PCDH1: variants seen among roughly 807,000 people sequenced by gnomAD.
PCDH1 encodes protocadherin 1.
Under a neutral mutation model 74.6 loss-of-function variants are expected in PCDH1, and 23 were observed. The observed-to-expected ratio is 0.31, with a 90% CI of 0.22 to 0.44. The LOEUF is 0.44. Ranked by LOEUF, PCDH1 falls within the 20% of genes least tolerant of loss-of-function variation. The pLI is 1.00. For missense variants in PCDH1, 1,214 were observed against 1,641.4 expected (o/e 0.74, Z 4.50); for synonymous variants, 647 against 686.1 (o/e 0.94, Z 0.89).
intron 1 of PCDH1, among the ~76,000 whole-genome samples, chr5:141,871,670 T>C (rs1484699952): frequency 6.6e-6 from 1 of 152,230 alleles, no homozygotes; most frequent in Non-Finnish European, 1.5e-5. Flanking sequence ...GTGTTAATTG[T>C]CTGTCTTTGC....
At position 141,866,391 on chromosome 5, in the gene PCDH1, A is replaced by G. The variant is rs550157908; in HGVS notation, c.904-964T>C. ...GGGCACACCCTCCCACGCCAACTCC[A>G]ACGCGCACTCGACTCAACTCTATAC... On this transcript the variant is annotated intron_variant, in intron 2 of 4. Transcript: ENST00000287008. Among the ~76,000 whole-genome samples, 5 of 152,340 alleles carry G rather than the reference A, an allele frequency of 3.3e-5. No homozygotes were observed. In the East Asian group the frequency reaches 9.7e-4, roughly 29 times the overall value.
rs761562609 is a variant in PCDH1 at position 141,869,208 on chromosome 5, G to A, written c.264C>T (p.His88=). The A allele has an allele frequency of 1.2e-6, 2 of 1,613,954 alleles. No homozygotes were observed. Among genetic ancestry groups the A allele is most frequent in the South Asian group, 2.2e-5 (2 of 91,050 alleles). ...GGGCACCCACCTCTAGCTTGTACAGGTGCCCCACATCTGGAAAACCATAGT... is the reference window on the plus strand; with the variant it reads ...GGGCACCCACCTCTAGCTTGTACAGATGCCCCACATCTGGAAAACCATAGT... ...AADYGFPDVG[H]LYKLEVGAPY... Residue 88 remains histidine, a synonymous_variant, in exon 2 of 5, where the codon CAC becomes CAT. Transcript: ENST00000287008. This position sits in a 1 kb window ranked among gnomAD's most constrained non-coding sequence, Gnocchi z 4.9.
At chr5:141,873,132 CTT>C (rs879505435) in intron 1 of PCDH1, among the ~76,000 whole-genome samples, 8 of 144,708 alleles carry the variant, frequency 5.5e-5, no homozygotes, top group Admixed American at 1.4e-4. Context: ...CCTGCAAACT[CTT>C]TTTTTTTTTT....
Position 141,853,575 on chromosome 5 carries a change from G to GTCAAGAGTTTCC in PCDH1, c.*455_*466dup, listed in dbSNP as rs1752204469. 1.3e-5 allele frequency: 2 copies of GTCAAGAGTTTCC among 152,896 alleles called. No individual in the cohort carries two copies. The highest frequency in any genetic ancestry group is 4.8e-5 in the African/African-American group (2 of 41,576). The allele number at this position is 152,896 out of a possible 1,614,324, so 9.5% of individuals were successfully genotyped here. The stretch of plus-strand genomic sequence containing the variant: ...AAAGCCCTTCAGGGAGCCACTGGTG[G>GTCAAGAGTTTCC]TCAAGAGTTTCCTCTGGGAGCTCCC... On this transcript the variant is annotated 3_prime_UTR_variant, in exon 5 of 5. Transcript: ENST00000287008.
intron 1 of PCDH1, among the ~76,000 whole-genome samples, chr5:141,871,153 CGAAG>C (rs1753087771): frequency 6.6e-6 from 1 of 152,210 alleles, no homozygotes; most frequent in Non-Finnish European, 1.5e-5. Flanking sequence ...CAAAGCACTA[CGAAG>C]GAAGGGACAG....
chr5:141,871,070 C>T (rs1292199211), intron 1 of PCDH1, among the ~76,000 whole-genome samples: 1 of 152,240 alleles, frequency 6.6e-6, no homozygotes, highest in Non-Finnish European at 1.5e-5. Context: ...CTGACTGGGA[C>T]ACCGCCCGCC....
rs1404459856 is a variant in PCDH1, at chr5:141,865,089, C to T, written c.1242G>A (p.Val414=). The T allele has an allele frequency of 6.2e-7, 1 of 1,614,196 alleles. No homozygotes were observed. Among genetic ancestry groups the T allele is most frequent in the Admixed American group, 1.7e-5 (1 of 60,026 alleles). The change falls in exon 3 of 5, where the codon GTG becomes GTA. Residue 414 remains valine (V), a synonymous_variant. Coordinates refer to ENST00000287008, the MANE Select transcript of PCDH1 (RefSeq NM_032420.5). This position sits in a 1 kb window ranked among gnomAD's most constrained non-coding sequence, Gnocchi z 4.4. ...ISEDVAEETA[V]ALVQVSDRDE... is the part of the protein sequence containing the mutation. The stretch of plus-strand genomic sequence containing the variant: ...CTCGGTCAGACACCTGCACCAGGGC[C>T]ACAGCTGTCTCCTCTGCCACATCCT...
At chr5:141,871,012 C>T (rs1753079440) in intron 1 of PCDH1, among the ~76,000 whole-genome samples, 1 of 152,228 alleles carries the variant, frequency 6.6e-6, no homozygotes, top group Non-Finnish European at 1.5e-5. Context: ...TCCTCCAACT[C>T]ACAGCCACTT....
intron 3 of PCDH1, among the ~76,000 whole-genome samples, chr5:141,858,352 G>T (rs965858828): frequency 6.6e-6 from 1 of 152,246 alleles, no homozygotes; most frequent in South Asian, 2.1e-4. Flanking sequence ...TCACTGGAGA[G>T]GGTAGGGCTC....
chr5:141,869,604 T>A lies in PCDH1; in HGVS notation c.41-173A>T, dbSNP rs1561488016. The A allele has an allele frequency of 1.3e-6, 2 of 1,534,844 alleles. No homozygotes were observed. The highest frequency in any genetic ancestry group is 1.7e-6 in the Non-Finnish European group (2 of 1,146,728). On this transcript the variant is annotated intron_variant, in intron 1 of 4. Coordinates refer to ENST00000287008, the MANE Select transcript of PCDH1 (RefSeq NM_032420.5). The surrounding 1 kb of genome is among the most constrained non-coding windows in gnomAD (Gnocchi z 4.9). ...CAGAAACTCAGATCCCTGAATCTCA[T>A]CCACAGCTGGGTGTAGCAGCAGTGT...
intron 2 of PCDH1, chr5:141,866,223 A>T (rs1033660548): frequency 2.9e-5 from 29 of 985,368 alleles, no homozygotes; most frequent in Non-Finnish European, 3.4e-5. Context: ...CCCGACTGGC[A>T]CCGGCTGGCG....
rs747967709 is a variant in PCDH1 at position 141,868,313 on chromosome 5, T to G, written c.903+256A>C. On this transcript the variant is annotated intron_variant, in intron 2 of 4. Transcript: ENST00000287008. This position sits in a 1 kb window ranked among gnomAD's most constrained non-coding sequence, Gnocchi z 4.8. ...TTTACTTCTCAGAGGTTCCCCCAGC[T>G]TGAGTCTGCCTTAGGGGTCACGGGA... 1.1e-4 allele frequency among the ~76,000 whole-genome samples: 16 copies of G among 152,218 alleles called. No homozygotes were observed. Among genetic ancestry groups the G allele is most frequent in the Non-Finnish European group, 1.9e-4 (13 of 68,036 alleles).
chr5:141,860,683 T>C (rs1314044435), intron 3 of PCDH1, among the ~76,000 whole-genome samples: 8 of 152,176 alleles, frequency 5.3e-5, no homozygotes, highest in Admixed American at 3.9e-4. Flanking sequence ...TGTTTGAATT[T>C]GGCTGCATCA....
chr5:141,878,162 G>T lies in PCDH1; in HGVS notation c.40+61C>A. The stretch of plus-strand genomic sequence containing the variant: ...GCCGAGCGCCCCTCCCTCAGCTCCC[G>T]CCGGCCATGACCGCTTCGGGCCCCA... On this transcript the variant is annotated intron_variant, in intron 1 of 4. Coordinates refer to ENST00000287008, the MANE Select transcript of PCDH1 (RefSeq NM_032420.5). This position sits in a 1 kb window ranked among gnomAD's most constrained non-coding sequence, Gnocchi z 5.5. 1 of 1,393,204 alleles carries T rather than the reference G, an allele frequency of 7.2e-7. No individual in the cohort carries two copies. Among genetic ancestry groups the T allele is most frequent in the Non-Finnish European group, 9.4e-7 (1 of 1,067,372 alleles). The allele number at this position is 1,393,204 out of a possible 1,614,324, so 86.3% of individuals were successfully genotyped here.
At position 141,863,957 on chromosome 5, in the gene PCDH1, C is replaced by G. The variant is rs1323549362; in HGVS notation, c.2374G>C (p.Val792Leu). The change falls in exon 3 of 5, where the codon GTG (valine) becomes CTG (leucine). Residue 792 changes from valine to leucine, a missense_variant. Transcript: ENST00000287008. The surrounding 1 kb of genome is among the most constrained non-coding windows in gnomAD (Gnocchi z 7.5). ...GGCTTGCCGCGGTCACTGACCTTCA[C>G]CACCAGGCGGTGTAGCCCATGGTGG... The part of the protein sequence containing the change: ...RRHHGLHRLV[V>L]KVSDRGKPPR... The G allele has an allele frequency of 6.2e-7, 1 of 1,614,062 alleles. No individual in the cohort carries two copies. Among genetic ancestry groups the G allele is most frequent in the Non-Finnish European group, 8.5e-7 (1 of 1,180,054 alleles).
At position 141,878,121 on chromosome 5, in the gene PCDH1, C is replaced by G; in HGVS notation, c.40+102G>C. On this transcript the variant is annotated intron_variant, in intron 1 of 4. Transcript: ENST00000287008. This position sits in a 1 kb window ranked among gnomAD's most constrained non-coding sequence, Gnocchi z 5.5. ...CCTCGCGCCGAGCTCGTGTTGGGCC[C>G]CCGCGGCCTCGCTCCGCCGAGCGCC... 8.8e-7 allele frequency: 1 copy of G among 1,137,780 alleles called. No homozygotes were observed. The highest frequency in any genetic ancestry group is 1.6e-5 in the African/African-American group (1 of 60,628). The allele number at this position is 1,137,780 out of a possible 1,614,324, so 70.5% of individuals were successfully genotyped here. A position where few individuals can be genotyped will look rare whatever the true frequency, so the allele number is the denominator to read the frequency against.
rs141008706 is a variant in PCDH1 at position 141,855,473 on chromosome 5, ACT to A, written c.3320-1039_3320-1038del. ...CTCATTGAATTGATTGACACAATCA[ACT>A]CTCTCTCTCTCTCCCTCTCACACAC... On this transcript the variant is annotated intron_variant, in intron 4 of 4. Coordinates refer to ENST00000287008, the MANE Select transcript of PCDH1 (RefSeq NM_032420.5). Among the ~76,000 whole-genome samples, 58 of 149,574 alleles carry A rather than the reference ACT, an allele frequency of 3.9e-4. No homozygotes were observed. In the East Asian group the frequency reaches 9.8e-3, roughly 25 times the overall value.
At chr5:141,862,413 T>TA (rs1054312523) in intron 3 of PCDH1, among the ~76,000 whole-genome samples, 1 of 152,036 alleles carries the variant, frequency 6.6e-6, no homozygotes, top group African/African-American at 2.4e-5. Context: ...AGGGGACACA[T>TA]TGCCAGACAC....
In PCDH1 at chr5:141,853,999, G is replaced by T; in HGVS notation, c.*43C>A. On this transcript the variant is annotated 3_prime_UTR_variant, in exon 5 of 5. Coordinates refer to ENST00000287008, the MANE Select transcript of PCDH1 (RefSeq NM_032420.5). Reference sequence around the variant, plus strand: ...CCCTGGAATGGGCCATTTGGGAGCTGGCCGGCGGCTGGGGGAGGGGGGCCG... The same window carrying T: ...CCCTGGAATGGGCCATTTGGGAGCTTGCCGGCGGCTGGGGGAGGGGGGCCG... The T allele has an allele frequency of 6.9e-7, 1 of 1,458,064 alleles. No individual in the cohort carries two copies. Among genetic ancestry groups the T allele is most frequent in the Non-Finnish European group, 9.1e-7 (1 of 1,100,076 alleles). The allele number at this position is 1,458,064 out of a possible 1,614,324, so 90.3% of individuals were successfully genotyped here. A position where few individuals can be genotyped will look rare whatever the true frequency, so the allele number is the denominator to read the frequency against.
Sources: allele counts gnomAD v4.1 joint callset (sites outside exome capture counted in the v4.1 genomes callset), GRCh38; gene constraint gnomAD v4.1.1; non-coding constraint Gnocchi (gnomAD v3.1); transcripts MANE v1.5; gene names NCBI Gene and HGNC (gene_info 2026-07-23, HGNC 2026-07-21).